CELF1: variants seen among roughly 807,000 people sequenced by gnomAD.
CELF1 encodes the protein CUGBP Elav-like family member 1, also known as 50 kDa nuclear polyadenylated RNA-binding protein.
Under a neutral mutation model 61.8 loss-of-function variants are expected in CELF1, and 10 were observed. That is an observed-to-expected ratio of 0.16 (90% CI 0.10 to 0.27). The LOEUF (loss-of-function observed/expected upper bound fraction) is 0.27. CELF1 is among the 10% of genes least tolerant of loss of function. CELF1 has a pLI of 1.00. For synonymous variants in CELF1, 236 were observed against 225.1 expected (o/e 1.05, Z -0.43); for missense variants, 380 against 639.1 (o/e 0.59, Z 4.37).
At chr11:47,502,512 G>A (rs994001225) in intron 1 of CELF1, among the ~76,000 whole-genome samples, 4 of 152,112 alleles carry the variant, frequency 2.6e-5, no homozygotes, top group African/African-American at 9.7e-5. Context: ...GTGTGTGCGT[G>A]TGTGTGTATG....
rs1382756532 is a variant in CELF1, at chr11:47,473,163, T to C, written c.1342A>G (p.Met448Val). 6.2e-7 allele frequency: 1 copy of C among 1,614,058 alleles called. No homozygotes were observed. The highest frequency in any genetic ancestry group is 2.2e-5 in the East Asian group (1 of 44,878). ...ACGACATTCCCAAAGGGCATAAACA[T>C]CTGCAGCAGGTCCTGATCACCAAAC... ...QEFGDQDLLQ[M>V]FMPFGNVVSA... The change falls in exon 14 of 15, where the codon ATG becomes GTG. Residue 448 changes from methionine to valine, a missense_variant. Physicochemically the swap from Met to Val is conservative, Grantham distance 21 (BLOSUM62 1). Transcript: ENST00000687097.
chr11:47,508,656 CTTT>C (rs2094751629), intron 1 of CELF1, among the ~76,000 whole-genome samples: 1 of 148,156 alleles, frequency 6.7e-6, no homozygotes, highest in South Asian at 2.2e-4. Flanking sequence ...GCCACCAAGA[CTTT>C]TTAAAGGAAA....
intron 1 of CELF1, among the ~76,000 whole-genome samples, chr11:47,526,827 G>C (rs182759651): frequency 2.4e-4 from 36 of 151,972 alleles, no homozygotes; most frequent in Admixed American, 1.3e-3. Context: ...TCCCACGATG[G>C]ATCACCTGAG....
chr11:47,486,552 GGCAT>G (rs1472084042), intron 6 of CELF1, among the ~76,000 whole-genome samples, 194 bp downstream of exon 6: 2 of 151,990 alleles, frequency 1.3e-5, no homozygotes, highest in African/African-American at 2.4e-5. Flanking sequence ...TGGGATTACA[GGCAT>G]GCACAACCAT....
At chr11:47,487,679 A>G (rs1482468734) in intron 4 of CELF1, among the ~76,000 whole-genome samples, 2 of 152,230 alleles carry the variant, frequency 1.3e-5, no homozygotes, top group Non-Finnish European at 2.9e-5. Context: ...CCTACTTCGT[A>G]GCCAGATTCT....
At chr11:47,492,495 C>T (rs2091919294) in intron 3 of CELF1, among the ~76,000 whole-genome samples, 3 of 152,218 alleles carry the variant, frequency 2.0e-5, no homozygotes, top group South Asian at 2.1e-4. Flanking sequence ...TGTGGGAGGC[C>T]GAGGCAGGCA....
At chr11:47,525,239 A>G (rs2096176200) in intron 1 of CELF1, among the ~76,000 whole-genome samples, 1 of 152,202 alleles carries the variant, frequency 6.6e-6, no homozygotes, top group Non-Finnish European at 1.5e-5. Context: ...ACTCTAATAT[A>G]ATTTTTAAAA....
chr11:47,497,176 A>G (rs1261995078), intron 3 of CELF1, among the ~76,000 whole-genome samples: 1 of 152,238 alleles, frequency 6.6e-6, no homozygotes, highest in Non-Finnish European at 1.5e-5. Flanking sequence ...ATGAAAAGTA[A>G]TCAATGAGCA....
intron 3 of CELF1, among the ~76,000 whole-genome samples, chr11:47,497,912 G>A (rs2093401852): frequency 6.6e-6 from 1 of 152,152 alleles, no homozygotes; most frequent in Admixed American, 6.5e-5. Flanking sequence ...CCAGGCAGTG[G>A]CAAAGCACAG....
Position 47,502,801 on chromosome 11 carries a change from C to T in CELF1, c.-153-1869G>A, listed in dbSNP as rs1452255174. ...GAGCTGAGATTGCGCCACTGCACTC[C>T]AGCCTGGACGACAGAGTGAGACTCT... On this transcript the variant is annotated intron_variant, in intron 1 of 14. Coordinates refer to ENST00000687097, the MANE Select transcript of CELF1 (RefSeq NM_001376376.1). Among the ~76,000 whole-genome samples the T allele has an allele frequency of 2.0e-5, 3 of 152,090 alleles. No individual in the cohort carries two copies. In the East Asian group the frequency reaches 5.8e-4, roughly 29 times the overall value.
At chr11:47,539,443 G>C (rs950773879) in intron 1 of CELF1, among the ~76,000 whole-genome samples, 1 of 152,224 alleles carries the variant, frequency 6.6e-6, no homozygotes, top group East Asian at 1.9e-4. Context: ...CCTGAGGTCG[G>C]GAGTTCGAGA....
rs2079564131 is a variant in CELF1, at chr11:47,475,406, C to CGCA, written c.1200_1202dup (p.Ala401dup). 1 of 1,614,028 alleles carries CGCA rather than the reference C, an allele frequency of 6.2e-7. No individual in the cohort carries two copies. The highest frequency in any genetic ancestry group is 1.1e-5 in the South Asian group (1 of 91,070). ...GATTCTGGTTGTACAGAGTGGGGAGCGCAGCAGCAGCATATTGCTGGATAC... is the reference window on the plus strand; with the variant it reads ...GATTCTGGTTGTACAGAGTGGGGAGCGCAGCAGCAGCAGCATATTGCTGGATAC... On this transcript the variant is annotated inframe_insertion, in exon 13 of 15. Coordinates refer to ENST00000687097, the MANE Select transcript of CELF1 (RefSeq NM_001376376.1).
chr11:47,484,357 CAA>C, intron 7 of CELF1, 30 bp downstream of exon 7: 1 of 1,586,644 alleles, frequency 6.3e-7, no homozygotes, highest in Non-Finnish European at 8.5e-7. Context: ...AACAAAAAAC[CAA>C]AAGATTATTT....
intron 1 of CELF1, among the ~76,000 whole-genome samples, chr11:47,520,803 T>C (rs1016553098): frequency 6.6e-6 from 1 of 151,996 alleles, no homozygotes; most frequent in Non-Finnish European, 1.5e-5. Context: ...TGAGAACCAA[T>C]CTCTTCCTGC....
chr11:47,537,741 C>G (rs986376062), intron 1 of CELF1, among the ~76,000 whole-genome samples: 1 of 152,040 alleles, frequency 6.6e-6, no homozygotes, highest in Non-Finnish European at 1.5e-5. Flanking sequence ...AATTAAAGTG[C>G]CATTTGACTA....
chr11:47,550,564 C>T (rs781366571), intron 1 of CELF1, among the ~76,000 whole-genome samples: 8 of 152,020 alleles, frequency 5.3e-5, no homozygotes, highest in Non-Finnish European at 1.0e-4. Flanking sequence ...TAAGATAAGC[C>T]TATTTTGGGA....
intron 1 of CELF1, among the ~76,000 whole-genome samples, chr11:47,543,742 CCT>C (rs778134278): frequency 3.3e-4 from 49 of 150,456 alleles, no homozygotes; most frequent in South Asian, 6.3e-4. Context: ...CCCGTGGACC[CCT>C]GTCCCCACCC....
Position 47,553,131 on chromosome 11 carries a change from A to AC in CELF1, c.-294dup. On this transcript the variant is annotated 5_prime_UTR_variant, in exon 1 of 15. Transcript: ENST00000687097. ...GCTGCCGCTGCCGCCAGAGCAGAAC[A>AC]CCCCAAAATGGCGGCACTTCCGGCA... 1 of 396,002 alleles carries AC rather than the reference A, an allele frequency of 2.5e-6. No homozygotes were observed. The highest frequency in any genetic ancestry group is 4.5e-6 in the Non-Finnish European group (1 of 224,376). The allele number at this position is 396,002 out of a possible 1,614,324, so 24.5% of individuals were successfully genotyped here. A position where few individuals can be genotyped will look rare whatever the true frequency, so the allele number is the denominator to read the frequency against.
chr11:47,545,409 C>G (rs761675483), intron 1 of CELF1, among the ~76,000 whole-genome samples: 8 of 152,064 alleles, frequency 5.3e-5, no homozygotes, highest in Non-Finnish European at 1.0e-4. Context: ...CTAGCCTGGG[C>G]GACAGAGCGG....
Sources: allele counts gnomAD v4.1 joint callset (sites outside exome capture counted in the v4.1 genomes callset), GRCh38; gene constraint gnomAD v4.1.1; transcripts MANE v1.5; gene names NCBI Gene and HGNC (gene_info 2026-07-23, HGNC 2026-07-21).